The following ZBTB16 variants were observed in gnomAD, a reference collection of about 807,000 sequenced individuals.
ZBTB16 encodes the protein zinc finger and BTB domain-containing protein 16.
In ZBTB16, 8 loss-of-function variants were observed where a neutral mutation model predicts 56.8. The observed-to-expected ratio is 0.14, with a 90% CI of 0.08 to 0.25. The LOEUF is 0.25. ZBTB16 is among the 10% of genes least tolerant of loss of function. The probability of loss-of-function intolerance (pLI) is 1.00; values close to 1 mark genes in which losing one functional copy is unlikely to be tolerated. For synonymous variants in ZBTB16, 363 were observed against 368.5 expected, an observed-to-expected ratio of 0.98 and a Z score of 0.17; for missense variants, 625 against 903.0, an observed-to-expected ratio of 0.69 and a Z score of 3.95.
intron 6 of ZBTB16, among the ~76,000 whole-genome samples, chr11:114,248,911 T>A (rs1565709233): frequency 6.6e-6 from 1 of 152,184 alleles, no homozygotes; most frequent in Non-Finnish European, 1.5e-5. Flanking sequence ...TGGCTGTTCA[T>A]TACTTCATTA....
intron 4 of ZBTB16, among the ~76,000 whole-genome samples, chr11:114,227,399 C>T (rs1944349388): frequency 6.6e-6 from 1 of 152,232 alleles, no homozygotes; most frequent in Non-Finnish European, 1.5e-5. Flanking sequence ...ATCACAAAGC[C>T]TATCCCCCCT....
rs372361063 is a variant in ZBTB16, at chr11:114,070,141, G to GC, written c.1268+5576dup. On this transcript the variant is annotated intron_variant, in intron 2 of 6. Coordinates refer to ENST00000335953, the MANE Select transcript of ZBTB16 (RefSeq NM_006006.6). ...TTTTGAGACGGAGTCTCGCTCTGTC[G>GC]CCCAGGTCGGACTGCGGACTGCAGT... Among the ~76,000 whole-genome samples, 1,103 of 115,480 alleles carry GC rather than the reference G, an allele frequency of 9.6e-3. 24 individuals are homozygous for GC. Among genetic ancestry groups the GC allele is most frequent in the African/African-American group, 0.034 (1,045 of 30,416 alleles). 75.8% of individuals were successfully genotyped at this position (115,480 alleles called of 152,430 possible).
intron 4 of ZBTB16, chr11:114,209,350 T>C (rs1943951693): frequency 1.0e-6 from 1 of 983,746 alleles, no homozygotes; most frequent in Non-Finnish European, 1.2e-6. Context: ...CCCGTTCCTT[T>C]CTTGATCTAC....
intron 4 of ZBTB16, among the ~76,000 whole-genome samples, chr11:114,219,869 G>A (rs1279567581): frequency 6.6e-6 from 1 of 152,130 alleles, no homozygotes; most frequent in Non-Finnish European, 1.5e-5. Context: ...GGAAAGCCTG[G>A]GGTGAACACT....
At chr11:114,157,133 C>T (rs115381330) in intron 3 of ZBTB16, among the ~76,000 whole-genome samples, 344 of 152,280 alleles carry the variant, frequency 2.3e-3, no homozygotes, top group African/African-American at 7.8e-3. Flanking sequence ...ACCTTGGAGT[C>T]ATTTTTTAGG....
At chr11:114,167,234 T>TTG (rs1565663171) in intron 3 of ZBTB16, among the ~76,000 whole-genome samples, 13 of 91,690 alleles carry the variant, frequency 1.4e-4, no homozygotes, top group African/African-American at 3.5e-4. Flanking sequence ...TTTTTTTGGT[T>TTG]TTTTTTTTTT....
chr11:114,245,598 G>A (rs935994480), intron 5 of ZBTB16, among the ~76,000 whole-genome samples: 2 of 152,100 alleles, frequency 1.3e-5, no homozygotes, highest in African/African-American at 4.8e-5. Flanking sequence ...AGACAGGAGA[G>A]AGTAAAATAT....
chr11:114,233,109 A>C (rs1455977679), intron 4 of ZBTB16, among the ~76,000 whole-genome samples: 1 of 43,900 alleles, frequency 2.3e-5, no homozygotes, highest in African/African-American at 5.2e-5. Flanking sequence ...ACACACACAC[A>C]CACACACACA....
rs1555144000 is a variant in ZBTB16 at position 114,148,469 on chromosome 11, C to CTCTTTCTTTCTTTCTT, written c.1269-7855_1269-7840dup. ...TCTCTGTCTGTCTGTCTCTCTCTCT[C>CTCTTTCTTTCTTTCTT]TCTTTCTTTCTTTCTTTCTTTCTTT... On this transcript the variant is annotated intron_variant, in intron 2 of 6. Coordinates refer to ENST00000335953, the MANE Select transcript of ZBTB16 (RefSeq NM_006006.6). 1.0e-3 allele frequency among the ~76,000 whole-genome samples: 63 copies of CTCTTTCTTTCTTTCTT among 60,968 alleles called. 7 individuals are homozygous for CTCTTTCTTTCTTTCTT. Among genetic ancestry groups the CTCTTTCTTTCTTTCTT allele is most frequent in the African/African-American group, 3.3e-3 (60 of 18,408 alleles). 40.0% of individuals were successfully genotyped at this position (60,968 alleles called of 152,430 possible).
chr11:114,129,087 C>T (rs1255788660), intron 2 of ZBTB16, among the ~76,000 whole-genome samples: 1 of 152,148 alleles, frequency 6.6e-6, no homozygotes, highest in Non-Finnish European at 1.5e-5. Context: ...GTGTGGTAGC[C>T]CAGAACCCAC....
At chr11:114,180,220 A>G (rs1943215751) in intron 3 of ZBTB16, among the ~76,000 whole-genome samples, 1 of 152,180 alleles carries the variant, frequency 6.6e-6, no homozygotes, top group South Asian at 2.1e-4. Context: ...AGAACCCAAA[A>G]TGGTCAGGGA....
intron 1 of ZBTB16, among the ~76,000 whole-genome samples, chr11:114,062,382 C>T (rs959898193): frequency 6.6e-6 from 1 of 152,162 alleles, no homozygotes; most frequent in Admixed American, 6.5e-5. Context: ...GGATTAGAGG[C>T]GTGAGCCACC....
intron 2 of ZBTB16, among the ~76,000 whole-genome samples, chr11:114,148,878 G>A (rs1039519727): frequency 2.0e-5 from 3 of 150,972 alleles, no homozygotes; most frequent in Admixed American, 6.6e-5. Context: ...GTGTGTGTGT[G>A]TGTGTGTGTG....
chr11:114,092,768 C>G (rs1446445132), intron 2 of ZBTB16, among the ~76,000 whole-genome samples: 1 of 152,148 alleles, frequency 6.6e-6, no homozygotes, highest in Non-Finnish European at 1.5e-5. Context: ...GCACAGGGCT[C>G]TCTCCTTTCA....
At chr11:114,165,371 G>A (rs1942720034) in intron 3 of ZBTB16, among the ~76,000 whole-genome samples, 1 of 152,162 alleles carries the variant, frequency 6.6e-6, no homozygotes, top group Non-Finnish European at 1.5e-5. Flanking sequence ...AGTTTAGCAG[G>A]GTTAGGCTTT....
At chr11:114,196,849 A>G (rs971059924) in intron 4 of ZBTB16, among the ~76,000 whole-genome samples, 1 of 152,152 alleles carries the variant, frequency 6.6e-6, no homozygotes, top group African/African-American at 2.4e-5. Context: ...GTCCAAAAAT[A>G]TAGACCTTTT....
At chr11:114,069,205 C>A (rs993163171) in intron 2 of ZBTB16, among the ~76,000 whole-genome samples, 7 of 152,226 alleles carry the variant, frequency 4.6e-5, no homozygotes, top group Non-Finnish European at 8.8e-5. Flanking sequence ...CCTGCCTCAG[C>A]CTCCCAAGTA....
intron 2 of ZBTB16, among the ~76,000 whole-genome samples, chr11:114,140,458 A>G (rs539774187): frequency 6.6e-6 from 1 of 152,172 alleles, no homozygotes; most frequent in Admixed American, 6.5e-5. Flanking sequence ...CTATCAATCA[A>G]TCAGTCAATG....
chr11:114,231,254 T>C (rs1042071433), intron 4 of ZBTB16, among the ~76,000 whole-genome samples: 2 of 152,214 alleles, frequency 1.3e-5, no homozygotes, highest in African/African-American at 4.8e-5. Context: ...ATGCCTACTA[T>C]GTGTTGGACA....
Sources: allele counts gnomAD v4.1 joint callset (sites outside exome capture counted in the v4.1 genomes callset), GRCh38; gene constraint gnomAD v4.1.1; transcripts MANE v1.5; gene names NCBI Gene and HGNC (gene_info 2026-07-23, HGNC 2026-07-21).